The following ZMYM4 variants were observed in gnomAD, a reference collection of about 807,000 sequenced individuals.
ZMYM4 encodes zinc finger MYM-type protein 4.
A neutral mutation model predicts 183.2 loss-of-function variants in ZMYM4; 31 were observed. The observed-to-expected ratio is 0.17, with a 90% CI of 0.13 to 0.23. ZMYM4 has a LOEUF of 0.23. Ranked by LOEUF, ZMYM4 falls within the 10% of genes least tolerant of loss-of-function variation. The probability of loss-of-function intolerance (pLI) is 1.00; values close to 1 mark genes in which losing one functional copy is unlikely to be tolerated. For missense variants in ZMYM4, 1,273 were observed against 1,840.3 expected (o/e 0.69, Z 5.64); for synonymous variants, 592 against 631.2 (o/e 0.94, Z 0.93).
rs1173420649 is a variant in ZMYM4 at position 35,389,754 on chromosome 1, C to CAAAA, written c.2437-182_2437-179dup. On this transcript the variant is annotated intron_variant, in intron 14 of 29. Coordinates refer to ENST00000314607, the MANE Select transcript of ZMYM4 (RefSeq NM_005095.3). The surrounding 1 kb of genome is among the most constrained non-coding windows in gnomAD (Gnocchi z 4.0). ...TGGGCGATAGAGCAAGGCTCTGTCT[C>CAAAA]AAAAAAAAAAAAAAATATATATATA... Among the ~76,000 whole-genome samples, 11 of 91,570 alleles carry CAAAA rather than the reference C, an allele frequency of 1.2e-4. No homozygotes were observed. Among genetic ancestry groups the CAAAA allele is most frequent in the East Asian group, 3.4e-4 (1 of 2,960 alleles). 60.1% of individuals were successfully genotyped at this position (91,570 alleles called of 152,430 possible). A position where few individuals can be genotyped will look rare whatever the true frequency, so the allele number is the denominator to read the frequency against.
chr1:35,399,367 A>G lies in ZMYM4; in HGVS notation c.3434-115A>G, dbSNP rs570635574. ...CTATAAGTGGAATCCTTATTTTATC[A>G]CAAACAAACTAATGAATATAGTGAT... On this transcript the variant is annotated intron_variant, in intron 22 of 29. Transcript: ENST00000314607. 23 of 996,424 alleles carry G rather than the reference A, an allele frequency of 2.3e-5. No individual in the cohort carries two copies. The East Asian group carries it at 3.2e-4, about 14-fold the overall frequency. 61.7% of individuals were successfully genotyped at this position (996,424 alleles called of 1,614,324 possible).
In ZMYM4 at chr1:35,365,239, CTT is replaced by C. The variant is rs746304675; in HGVS notation, c.840+3473_840+3474del. Among the ~76,000 whole-genome samples, 30 of 85,310 alleles carry C rather than the reference CTT, an allele frequency of 3.5e-4. 1 individual carries two copies. Among genetic ancestry groups the C allele is most frequent in the Admixed American group, 7.5e-4 (6 of 8,004 alleles). The allele number at this position is 85,310 out of a possible 152,430, so 56.0% of individuals were successfully genotyped here. ...GCCAATCTGGGGTCATAATCAAAGT[CTT>C]TTTTTTTTTTTTTTTTTTTTTTAGT... On this transcript the variant is annotated intron_variant, in intron 5 of 29. Transcript: ENST00000314607.
At chr1:35,281,904 C>T (rs1290358646) in intron 1 of ZMYM4, among the ~76,000 whole-genome samples, 5 of 152,150 alleles carry the variant, frequency 3.3e-5, no homozygotes, top group Non-Finnish European at 5.9e-5. Flanking sequence ...TAAGTGGACT[C>T]ATACAATATT....
At chr1:35,288,820 A>G (rs1040342009) in intron 1 of ZMYM4, among the ~76,000 whole-genome samples, 33 of 152,140 alleles carry the variant, frequency 2.2e-4, no homozygotes, top group African/African-American at 7.5e-4. Context: ...CAAAGACCTT[A>G]TTTCATGACC....
intron 1 of ZMYM4, among the ~76,000 whole-genome samples, chr1:35,274,764 C>G (rs1400002632): frequency 1.3e-5 from 2 of 151,992 alleles, no homozygotes; most frequent in Non-Finnish European, 2.9e-5. Context: ...AAGTGCCAGT[C>G]ATTTTTCTAA....
chr1:35,308,381 A>G (rs573506545), intron 1 of ZMYM4, among the ~76,000 whole-genome samples: 2 of 152,336 alleles, frequency 1.3e-5, no homozygotes, highest in Admixed American at 1.3e-4. Flanking sequence ...GCAATGGTAT[A>G]TACAAACTGT....
At chr1:35,403,503 C>T (rs1237085790) in intron 23 of ZMYM4, among the ~76,000 whole-genome samples, 1 of 152,054 alleles carries the variant, frequency 6.6e-6, no homozygotes, top group Non-Finnish European at 1.5e-5. Context: ...CCAGGCTGGT[C>T]TTGAACTCCT....
intron 28 of ZMYM4, among the ~76,000 whole-genome samples, chr1:35,417,885 G>A (rs755911814): frequency 5.9e-5 from 9 of 152,022 alleles, no homozygotes; most frequent in African/African-American, 1.7e-4. Context: ...GGTGGCAGGC[G>A]CCTGTAATCC....
At chr1:35,326,123 G>A (rs1642493637) in intron 2 of ZMYM4, among the ~76,000 whole-genome samples, 2 of 152,044 alleles carry the variant, frequency 1.3e-5, no homozygotes, top group Admixed American at 1.3e-4. Flanking sequence ...TGGAAATTGT[G>A]ACTTTAGGTG....
chr1:35,364,881 A>G (rs1327019292), intron 5 of ZMYM4, among the ~76,000 whole-genome samples: 1 of 152,102 alleles, frequency 6.6e-6, no homozygotes, highest in Non-Finnish European at 1.5e-5. Context: ...ATGTGTGTGT[A>G]TGTATTTAAC....
At chr1:35,387,321 G>T in intron 12 of ZMYM4, 43 bp downstream of exon 12, 1 of 1,591,846 alleles carries the variant, frequency 6.3e-7, no homozygotes, top group Non-Finnish European at 8.6e-7. Context: ...AGTATACGTG[G>T]GTCTATTTGT....
chr1:35,308,835 T>C (rs1445586149), intron 1 of ZMYM4, among the ~76,000 whole-genome samples: 1 of 152,172 alleles, frequency 6.6e-6, no homozygotes. Context: ...CACTCCAGCC[T>C]GGGTGACAGA....
chr1:35,406,114 C>T (rs1644998813), intron 25 of ZMYM4, among the ~76,000 whole-genome samples: 1 of 152,114 alleles, frequency 6.6e-6, no homozygotes, highest in Non-Finnish European at 1.5e-5. Context: ...CACTTTCCAA[C>T]TATATCTTCT....
intron 1 of ZMYM4, among the ~76,000 whole-genome samples, chr1:35,320,521 C>T (rs6698943): frequency 0.065 from 9,836 of 152,142 alleles, 947 homozygotes; most frequent in East Asian, 0.45. Context: ...GATCCATGAG[C>T]TGCTTTAGCA....
intron 2 of ZMYM4, 148 bp downstream of exon 2, chr1:35,325,553 T>C (rs1216742958): frequency 1.7e-6 from 1 of 571,556 alleles, no homozygotes. Context: ...TCACGTACTG[T>C]TCTTTCAGCA....
intron 15 of ZMYM4, 137 bp from the exon 16 acceptor site, chr1:35,392,075 A>G (rs1388831206): frequency 7.3e-6 from 8 of 1,101,820 alleles, no homozygotes; most frequent in Non-Finnish European, 1.0e-5. Context: ...ACCAAAACCC[A>G]GTTAATCCTA....
chr1:35,340,122 A>C (rs2148857766), intron 2 of ZMYM4, among the ~76,000 whole-genome samples: 1 of 152,370 alleles, frequency 6.6e-6, no homozygotes, highest in Non-Finnish European at 1.5e-5. Context: ...ACAAAATCAA[A>C]TAACAAAAAT....
intron 1 of ZMYM4, among the ~76,000 whole-genome samples, chr1:35,278,544 G>A (rs1340067160): frequency 6.6e-6 from 1 of 151,280 alleles, no homozygotes; most frequent in Non-Finnish European, 1.5e-5. Flanking sequence ...TCCTGCCTCA[G>A]TCTCCCAAGT....
At position 35,301,206 on chromosome 1, in the gene ZMYM4, C is replaced by A. The variant is rs550417491; in HGVS notation, c.40-24154C>A. Among the ~76,000 whole-genome samples the A allele has an allele frequency of 1.0e-3, 159 of 152,272 alleles. 1 individual carries two copies. Among genetic ancestry groups the A allele is most frequent in the African/African-American group, 3.6e-3 (149 of 41,552 alleles). ...ATCCTACTGCTGACTTTTTACTATA[C>A]TATTGAATATTTGATGCCCCATGTG... On this transcript the variant is annotated intron_variant, in intron 1 of 29. Transcript: ENST00000314607.
Sources: allele counts gnomAD v4.1 joint callset (sites outside exome capture counted in the v4.1 genomes callset), GRCh38; gene constraint gnomAD v4.1.1; non-coding constraint Gnocchi (gnomAD v3.1); transcripts MANE v1.5; gene names NCBI Gene and HGNC (gene_info 2026-07-23, HGNC 2026-07-21).